DMD: variants seen among roughly 807,000 people sequenced by gnomAD.
DMD encodes mutant dystrophin.
DMD carries 63 observed loss-of-function variants against 330.1 expected under a neutral mutation model. The observed-to-expected ratio is 0.19, with a 90% CI of 0.16 to 0.24. DMD has a LOEUF of 0.24. DMD is among the 10% of genes least tolerant of loss of function. The pLI is 1.00. For missense variants in DMD, 3,344 were observed against 2,684.1 expected, an observed-to-expected ratio of 1.25 and a Z score of -5.43; for synonymous variants, 1,223 against 959.8, an observed-to-expected ratio of 1.27 and a Z score of -5.07.
chrX:33,085,154 A>G (rs1174558515), intron 1 of DMD, among the ~76,000 whole-genome samples: 2 of 111,648 alleles, frequency 1.8e-5, no homozygotes, highest in Admixed American at 1.9e-4. Flanking sequence ...CTGATGATTT[A>G]AGTGAGTGTA....
Position 32,861,633 on chromosome X carries a change from TAGAG to T in DMD, c.94-11817_94-11814del, listed in dbSNP as rs199588207. ...AGGAGAGTGGTTTCTAGTTACTACA[TAGAG>T]AGAGAACTGAGAAGAGAAGATTATC... On this transcript the variant is annotated intron_variant, in intron 2 of 78. Transcript: ENST00000357033. Among the ~76,000 whole-genome samples, 894 of 111,705 alleles carry T rather than the reference TAGAG, an allele frequency of 8.0e-3. 7 individuals carry two copies. Among genetic ancestry groups the T allele is most frequent in the East Asian group, 0.05 (174 of 3,500 alleles).
At chrX:33,041,573 C>T (rs2094302414) in intron 1 of DMD, 2 of 1,207,254 alleles carry the variant, frequency 1.7e-6, no homozygotes, top group Non-Finnish European at 2.2e-6. Context: ...CTACAAGAAT[C>T]CCGGATGATG....
At chrX:33,310,717 T>G (rs2148947395) in intron 1 of DMD, among the ~76,000 whole-genome samples, 1 of 111,350 alleles carries the variant, frequency 9.0e-6, no homozygotes, top group African/African-American at 3.2e-5. Context: ...TTTCATTTCC[T>G]GATTCTAAAT....
At chrX:32,769,597 T>G (rs1353387824) in intron 7 of DMD, among the ~76,000 whole-genome samples, 1 of 111,406 alleles carries the variant, frequency 9.0e-6, no homozygotes, top group African/African-American at 3.3e-5. Flanking sequence ...GCTAATTCAG[T>G]GACACGAGAT....
At chrX:32,546,078 C>T (rs747747372) in intron 16 of DMD, among the ~76,000 whole-genome samples, 3 of 105,114 alleles carry the variant, frequency 2.9e-5, no homozygotes, top group Non-Finnish European at 3.9e-5. Flanking sequence ...GGCAGCGGGC[C>T]GGGGGCAACA....
intron 44 of DMD, among the ~76,000 whole-genome samples, chrX:32,068,199 T>C (rs1260157563): frequency 9.0e-6 from 1 of 111,181 alleles, no homozygotes; most frequent in Non-Finnish European, 1.9e-5. Context: ...TTAAATGATG[T>C]TTTATGATTT....
intron 64 of DMD, among the ~76,000 whole-genome samples, chrX:31,210,422 T>C (rs1197589545): frequency 4.5e-5 from 5 of 112,197 alleles, no homozygotes; most frequent in Non-Finnish European, 9.4e-5. Context: ...TCCCTTGATC[T>C]GAGGAGGTGT....
At chrX:32,995,608 C>T (rs756917383) in intron 2 of DMD, among the ~76,000 whole-genome samples, 2 of 111,931 alleles carry the variant, frequency 1.8e-5, no homozygotes, top group East Asian at 2.8e-4. Context: ...CATATTGCCA[C>T]GGAAGAAGGC....
At chrX:32,905,449 T>TA (rs2086653999) in intron 2 of DMD, among the ~76,000 whole-genome samples, 1 of 111,628 alleles carries the variant, frequency 9.0e-6, no homozygotes, top group South Asian at 3.8e-4. Context: ...ACTATATATA[T>TA]AAGTTGGGGC....
At chrX:31,279,649 A>G (rs1212527868) in intron 62 of DMD, among the ~76,000 whole-genome samples, 2 of 112,581 alleles carry the variant, frequency 1.8e-5, no homozygotes, top group African/African-American at 6.5e-5. Context: ...GTCAACCATC[A>G]GACATATGAG....
chrX:31,329,721 C>T (rs2056990587), intron 61 of DMD, among the ~76,000 whole-genome samples: 1 of 109,619 alleles, frequency 9.1e-6, no homozygotes, highest in Non-Finnish European at 1.9e-5. Flanking sequence ...CCCTGTAATC[C>T]CAGCACTTTG....
chrX:32,643,085 G>T (rs1286177598), intron 11 of DMD, among the ~76,000 whole-genome samples: 1 of 111,063 alleles, frequency 9.0e-6, no homozygotes, highest in Non-Finnish European at 1.9e-5. Context: ...TATGATTATT[G>T]TACCTCTCAC....
At chrX:31,558,009 G>A (rs998638036) in intron 55 of DMD, among the ~76,000 whole-genome samples, 4 of 111,779 alleles carry the variant, frequency 3.6e-5, no homozygotes, top group Non-Finnish European at 7.5e-5. Context: ...ATTGGAATGA[G>A]AGAGGCATAC....
At chrX:32,035,658 A>G in intron 44 of DMD, 1 of 205,083 alleles carries the variant, frequency 4.9e-6, no homozygotes, top group Non-Finnish European at 9.1e-6. Context: ...TTAAATATAT[A>G]CAGATACCTA....
At chrX:31,921,966 C>A (rs991579294) in intron 47 of DMD, among the ~76,000 whole-genome samples, 4 of 111,807 alleles carry the variant, frequency 3.6e-5, no homozygotes, top group African/African-American at 1.3e-4. Flanking sequence ...TGGTTTCTAT[C>A]CAGGTTCCTG....
intron 52 of DMD, among the ~76,000 whole-genome samples, chrX:31,702,825 T>C (rs1048726343): frequency 9.2e-6 from 1 of 108,579 alleles, no homozygotes; most frequent in South Asian, 4.0e-4. Flanking sequence ...GCACTCCCCA[T>C]CCTTCTTTAA....
chrX:32,816,316 T>A, intron 6 of DMD, 152 bp downstream of exon 6: 1 of 586,404 alleles, frequency 1.7e-6, no homozygotes, highest in Non-Finnish European at 2.8e-6. Flanking sequence ...TCTTAATTAG[T>A]TCATTCCAAT....
rs143612800 is a variant in DMD at position 32,188,646 on chromosome X, C to T, written c.6438+28270G>A. On this transcript the variant is annotated intron_variant, in intron 44 of 78. Coordinates refer to ENST00000357033, the MANE Select transcript of DMD (RefSeq NM_004006.3). The stretch of plus-strand genomic sequence containing the variant: ...TATGCCAGCACACTGTGGTTTTGAT[C>T]ACAATTACTTCAAAGTATAGTAGAA... Among the ~76,000 whole-genome samples, 423 of 108,529 alleles carry T rather than the reference C, an allele frequency of 3.9e-3. 3 individuals carry two copies. The highest frequency in any genetic ancestry group is 0.013 in the African/African-American group (404 of 29,988). The allele number at this position is 108,529 out of a possible 115,157, so 94.2% of individuals were successfully genotyped here.
intron 2 of DMD, among the ~76,000 whole-genome samples, chrX:32,999,160 T>G (rs2093208342): frequency 8.9e-6 from 1 of 112,293 alleles, no homozygotes; most frequent in Middle Eastern, 4.6e-3. Context: ...GTAGGGAAAA[T>G]TTTGGAGAAA....
Sources: gnomAD v4.1 joint callset for allele counts (sites outside exome capture counted in the v4.1 genomes callset) on GRCh38, gnomAD v4.1.1 for gene constraint, MANE v1.5 for transcripts, NCBI Gene and HGNC (gene_info 2026-07-23, HGNC 2026-07-21) for gene names.